Variants in ZFYVE9 observed in about 807,000 individuals in gnomAD.
The protein encoded by ZFYVE9 is zinc finger FYVE-type containing 9.
Under a neutral mutation model 126.7 loss-of-function variants are expected in ZFYVE9, and 43 were observed. The observed-to-expected ratio is 0.34, with a 90% confidence interval of 0.27 to 0.44. ZFYVE9 has a LOEUF of 0.44. Among genes scored for constraint, ZFYVE9 ranks in the 20% least tolerant of loss-of-function variants. The pLI is 1.00. For missense variants in ZFYVE9, 1,476 were observed against 1,697.0 expected (o/e 0.87, Z 2.29); for synonymous variants, 521 against 597.4 (o/e 0.87, Z 1.87).
At chr1:52,195,487 A>G (rs1644851337) in intron 1 of ZFYVE9, among the ~76,000 whole-genome samples, 1 of 152,190 alleles carries the variant, frequency 6.6e-6, no homozygotes, top group Admixed American at 6.5e-5. Flanking sequence ...CAATGCAACA[A>G]AGAGCATTAA....
intron 1 of ZFYVE9, among the ~76,000 whole-genome samples, chr1:52,215,187 C>G (rs115291393): frequency 0.02 from 3,099 of 152,116 alleles, 98 homozygotes; most frequent in African/African-American, 0.068. Flanking sequence ...GGAGTGGTTA[C>G]TTTACTTTCA....
intron 1 of ZFYVE9, among the ~76,000 whole-genome samples, chr1:52,148,913 A>G (rs748987432): frequency 2.3e-4 from 32 of 139,782 alleles, no homozygotes; most frequent in Non-Finnish European, 3.8e-4. Context: ...TGCTGGGATT[A>G]CAGGAATGAG....
chr1:52,283,393 G>C lies in ZFYVE9; in HGVS notation c.3025+1577G>C, dbSNP rs180882386. Among the ~76,000 whole-genome samples the C allele has an allele frequency of 9.2e-5, 14 of 152,308 alleles. No individual in the cohort carries two copies. In the East Asian group the frequency reaches 2.5e-3, roughly 27 times the overall value. On this transcript the variant is annotated intron_variant, in intron 10 of 18. Coordinates refer to ENST00000287727, the MANE Select transcript of ZFYVE9 (RefSeq NM_004799.4). ...TTTGAGATGATGAGTGACATAATCAGATTTGCATTTTAGAAAGATGACTCT... is the reference window on the plus strand; with the variant it reads ...TTTGAGATGATGAGTGACATAATCACATTTGCATTTTAGAAAGATGACTCT...
In ZFYVE9 at chr1:52,288,671, A is replaced by G. The variant is rs950013872; in HGVS notation, c.3026-4782A>G. Among the ~76,000 whole-genome samples the G allele has an allele frequency of 3.9e-5, 6 of 152,284 alleles. No individual in the cohort carries two copies. The South Asian group carries it at 1.0e-3, about 26-fold the overall frequency. ...TGCGGTGGGTCACGCCTGTAATCCC[A>G]ACACTTTGGGAAGCCGAGGCAGGCA... On this transcript the variant is annotated intron_variant, in intron 10 of 18. Coordinates refer to ENST00000287727, the MANE Select transcript of ZFYVE9 (RefSeq NM_004799.4).
At chr1:52,263,396 C>A (rs1645599970) in intron 4 of ZFYVE9, among the ~76,000 whole-genome samples, 1 of 152,122 alleles carries the variant, frequency 6.6e-6, no homozygotes, top group East Asian at 1.9e-4. Context: ...TTTATTTCAT[C>A]CTGCTATAAT....
chr1:52,290,951 G>T (rs1010934547), intron 10 of ZFYVE9, among the ~76,000 whole-genome samples: 1 of 152,052 alleles, frequency 6.6e-6, no homozygotes, highest in Admixed American at 6.6e-5. Flanking sequence ...GAAGTAACTT[G>T]CCCCAGATCC....
chr1:52,196,174 TACTG>T (rs1238633917), intron 1 of ZFYVE9, among the ~76,000 whole-genome samples: 16 of 152,198 alleles, frequency 1.1e-4, no homozygotes, highest in Admixed American at 2.6e-4. Flanking sequence ...ACTTGTACAC[TACTG>T]GCCAGTAAAT....
At chr1:52,225,053 G>A (rs562746288) in intron 2 of ZFYVE9, among the ~76,000 whole-genome samples, 3 of 152,166 alleles carry the variant, frequency 2.0e-5, no homozygotes, top group East Asian at 3.9e-4. Context: ...CTCCACACTC[G>A]CTTCGCACCC....
chr1:52,176,950 G>A (rs1485771211), intron 1 of ZFYVE9, among the ~76,000 whole-genome samples: 1 of 152,134 alleles, frequency 6.6e-6, no homozygotes, highest in South Asian at 2.1e-4. Flanking sequence ...CTTCCCGAGT[G>A]AGGCAATGCC....
At position 52,238,525 on chromosome 1, in the gene ZFYVE9, GATGAAAATGAAGGTT is replaced by G; in HGVS notation, c.1114_1128del (p.Asn372_Glu376del). The G allele has an allele frequency of 6.2e-7, 1 of 1,614,060 alleles. No homozygotes were observed. ...CCTTGTGCCTAATGAAGTTAGGGCT[GATGAAAATGAAGGTT>G]ATGAACATGAAGAAACTCTTGGCAC... On this transcript the variant is annotated inframe_deletion, in exon 4 of 19. Coordinates refer to ENST00000287727, the MANE Select transcript of ZFYVE9 (RefSeq NM_004799.4).
chr1:52,205,476 G>T (rs1644969693), intron 1 of ZFYVE9, among the ~76,000 whole-genome samples: 1 of 151,714 alleles, frequency 6.6e-6, no homozygotes, highest in Admixed American at 6.6e-5. Flanking sequence ...CGATCCTTCT[G>T]TCTCAGTCTC....
intron 1 of ZFYVE9, chr1:52,162,413 A>G (rs2124513392): frequency 3.5e-6 from 1 of 287,724 alleles, no homozygotes; most frequent in Non-Finnish European, 7.1e-6. Context: ...GATGCCTGGT[A>G]TAGGTGTGCG....
At chr1:52,341,542 C>T (rs1442359513) in intron 17 of ZFYVE9, among the ~76,000 whole-genome samples, 1 of 152,152 alleles carries the variant, frequency 6.6e-6, no homozygotes, top group African/African-American at 2.4e-5. Context: ...GATCTTAGAT[C>T]CCTTTATTAC....
chr1:52,258,115 T>A (rs1212389335), intron 4 of ZFYVE9, among the ~76,000 whole-genome samples: 1 of 152,222 alleles, frequency 6.6e-6, no homozygotes, highest in Non-Finnish European at 1.5e-5. Context: ...AGACACAATA[T>A]TGAAGATACC....
chr1:52,326,668 G>C (rs1479676098), intron 13 of ZFYVE9, among the ~76,000 whole-genome samples: 8 of 135,354 alleles, frequency 5.9e-5, no homozygotes, highest in Non-Finnish European at 1.1e-4. Flanking sequence ...GACCAACATG[G>C]TGAAACCCTG....
intron 4 of ZFYVE9, among the ~76,000 whole-genome samples, chr1:52,250,421 A>G (rs190821973): frequency 4.9e-4 from 74 of 152,228 alleles, no homozygotes; most frequent in African/African-American, 1.5e-3. Flanking sequence ...TGGATAATTC[A>G]TTATTAGTAT....
At chr1:52,171,810 G>A (rs1227602445) in intron 1 of ZFYVE9, among the ~76,000 whole-genome samples, 1 of 152,172 alleles carries the variant, frequency 6.6e-6, no homozygotes, top group Non-Finnish European at 1.5e-5. Flanking sequence ...TTTGAGAAGT[G>A]TCTGTTCATA....
chr1:52,337,941 G>A lies in ZFYVE9; in HGVS notation c.3833+7G>A, dbSNP rs1384188668. 1 of 1,613,500 alleles carries A rather than the reference G, an allele frequency of 6.2e-7. No homozygotes were observed. Among genetic ancestry groups the A allele is most frequent in the South Asian group, 1.1e-5 (1 of 90,978 alleles). On this transcript the variant is annotated splice_region_variant and intron_variant, in intron 16 of 18. Coordinates refer to ENST00000287727, the MANE Select transcript of ZFYVE9 (RefSeq NM_004799.4). Reference sequence around the variant, plus strand: ...ACAAGAACGTTAGCAAGGGGTAAATGCAGCACATGTCCCCCTTTGTGGCTT... The same window carrying A: ...ACAAGAACGTTAGCAAGGGGTAAATACAGCACATGTCCCCCTTTGTGGCTT...
At chr1:52,203,624 G>C (rs1213424130) in intron 1 of ZFYVE9, among the ~76,000 whole-genome samples, 2 of 150,846 alleles carry the variant, frequency 1.3e-5, no homozygotes, top group Non-Finnish European at 3.0e-5. Flanking sequence ...ATTAATTTGG[G>C]GGAAATTTTC....
Sources: allele counts gnomAD v4.1 joint callset (sites outside exome capture counted in the v4.1 genomes callset), GRCh38; gene constraint gnomAD v4.1.1; transcripts MANE v1.5; gene names NCBI Gene and HGNC (gene_info 2026-07-23, HGNC 2026-07-21).